Variants in ZC3H12B observed in about 807,000 individuals in gnomAD.
ZC3H12B encodes the protein probable ribonuclease ZC3H12B.
Under a neutral mutation model 43.9 loss-of-function variants are expected in ZC3H12B, and 7 were observed. The observed-to-expected ratio is 0.16, with a 90% CI of 0.09 to 0.30. The LOEUF (loss-of-function observed/expected upper bound fraction) is 0.30. Ranked by LOEUF, ZC3H12B falls within the 10% of genes least tolerant of loss-of-function variation. The probability of loss-of-function intolerance (pLI) is 1.00; values close to 1 mark genes in which losing one functional copy is unlikely to be tolerated. For synonymous variants in ZC3H12B, 222 were observed against 241.7 expected (o/e 0.92, Z 0.76); for missense variants, 475 against 670.2 (o/e 0.71, Z 3.22).
At chrX:65,118,391 G>A in the ZC3H12B span, among the ~76,000 whole-genome samples, 1 of 111,662 alleles carries the variant, frequency 9.0e-6, no homozygotes, top group Non-Finnish European at 1.9e-5. Flanking sequence ...AGGAATGCTT[G>A]TGATTTTTGC....
chrX:65,276,901 G>A, the ZC3H12B span, among the ~76,000 whole-genome samples: 1 of 111,581 alleles, frequency 9.0e-6, no homozygotes, highest in Non-Finnish European at 1.9e-5. Context: ...AACCTTGAAT[G>A]TACATTTCTC....
the ZC3H12B span, among the ~76,000 whole-genome samples, chrX:65,343,970 A>G: frequency 8.9e-6 from 1 of 112,468 alleles, no homozygotes; most frequent in African/African-American, 3.2e-5. Flanking sequence ...GCTGATGAAC[A>G]AATTCAGTGA....
chrX:65,126,498 T>A, the ZC3H12B span, among the ~76,000 whole-genome samples: 13 of 111,219 alleles, frequency 1.2e-4, no homozygotes, highest in African/African-American at 4.2e-4. Context: ...ATTTCCCAGG[T>A]GTTCTTTGAG....
At chrX:65,052,506 C>T in the ZC3H12B span, among the ~76,000 whole-genome samples, 1 of 110,767 alleles carries the variant, frequency 9.0e-6, no homozygotes, top group African/African-American at 3.3e-5. Context: ...TTATCAGATC[C>T]CACAAATAAG....
the ZC3H12B span, among the ~76,000 whole-genome samples, chrX:65,225,125 C>A: frequency 3.6e-5 from 4 of 111,764 alleles, no homozygotes; most frequent in South Asian, 1.5e-3. Context: ...GAGGCACCCC[C>A]CAGTAGGGGC....
At chrX:65,378,980 G>A (rs2066392398) in intron 2 of ZC3H12B, among the ~76,000 whole-genome samples, 2 of 112,299 alleles carry the variant, frequency 1.8e-5, no homozygotes, top group Admixed American at 9.4e-5. Flanking sequence ...CTCATTGATT[G>A]CTAGCACAGC....
the ZC3H12B span, among the ~76,000 whole-genome samples, chrX:65,158,712 T>A: frequency 9.0e-6 from 1 of 111,608 alleles, no homozygotes; most frequent in Non-Finnish European, 1.9e-5. Flanking sequence ...TTTTCTCCCA[T>A]TTTATGCATT....
chrX:65,469,008 G>A (rs1353592668), intron 3 of ZC3H12B: 1 of 110,449 alleles, frequency 9.1e-6, no homozygotes, highest in Non-Finnish European at 1.9e-5. Flanking sequence ...CTCACGAGGG[G>A]GATATCAAGC....
At chrX:65,119,820 T>G in the ZC3H12B span, among the ~76,000 whole-genome samples, 1 of 112,154 alleles carries the variant, frequency 8.9e-6, no homozygotes, top group African/African-American at 3.2e-5. Context: ...AATTAATTTT[T>G]GTATAAGGTG....
At chrX:65,053,170 C>G in the ZC3H12B span, among the ~76,000 whole-genome samples, 1 of 109,995 alleles carries the variant, frequency 9.1e-6, no homozygotes, top group East Asian at 2.9e-4. Context: ...AGGTTTGTTA[C>G]GTATGTATAC....
the ZC3H12B span, among the ~76,000 whole-genome samples, chrX:65,095,824 C>A: frequency 9.0e-6 from 1 of 110,847 alleles, no homozygotes; most frequent in Non-Finnish European, 1.9e-5. Context: ...GCAGCATTTG[C>A]AAAGTTCACA....
At chrX:65,301,520 CAA>C in the ZC3H12B span, among the ~76,000 whole-genome samples, 1 of 97,447 alleles carries the variant, frequency 1.0e-5, no homozygotes, top group Non-Finnish European at 2.1e-5. Context: ...ACTATTCAGC[CAA>C]AAAAAAAAAG....
the ZC3H12B span, among the ~76,000 whole-genome samples, chrX:65,148,504 G>A: frequency 9.0e-5 from 10 of 111,189 alleles, no homozygotes; most frequent in African/African-American, 3.3e-4. Flanking sequence ...CTGGAGACCA[G>A]GTTGGGCTTG....
the ZC3H12B span, among the ~76,000 whole-genome samples, chrX:65,165,637 A>G: frequency 4.4e-5 from 5 of 112,568 alleles, no homozygotes; most frequent in African/African-American, 1.6e-4. Flanking sequence ...ATTCATTTTC[A>G]TGGCTGCATA....
chrX:65,086,477 A>G, the ZC3H12B span, among the ~76,000 whole-genome samples: 1 of 110,977 alleles, frequency 9.0e-6, no homozygotes, highest in African/African-American at 3.3e-5. Context: ...TGTGGTCTGA[A>G]TGTTTGTGCC....
At chrX:65,472,392 T>C (rs1168129556) in intron 3 of ZC3H12B, among the ~76,000 whole-genome samples, 1 of 87,098 alleles carries the variant, frequency 1.1e-5, no homozygotes, top group East Asian at 2.9e-4. Flanking sequence ...GTTTTTTTTG[T>C]TTTTTTTGTT....
the ZC3H12B span, among the ~76,000 whole-genome samples, chrX:65,275,338 A>G: frequency 8.9e-6 from 1 of 112,876 alleles, no homozygotes; most frequent in African/African-American, 3.2e-5. Flanking sequence ...GCCAGAACTG[A>G]GAAACAGCCC....
At chrX:65,080,455 G>A in the ZC3H12B span, among the ~76,000 whole-genome samples, 3 of 110,746 alleles carry the variant, frequency 2.7e-5, no homozygotes, top group African/African-American at 9.8e-5. Context: ...GAAGGTCAAG[G>A]ATAAAGAAAA....
the ZC3H12B span, among the ~76,000 whole-genome samples, chrX:65,249,120 T>C: frequency 2.2e-4 from 25 of 111,892 alleles, no homozygotes; most frequent in Non-Finnish European, 4.3e-4. Flanking sequence ...GTTTATTGCA[T>C]TTGCTTTTGG....
Sources: allele counts gnomAD v4.1 joint callset (sites outside exome capture counted in the v4.1 genomes callset), GRCh38; gene constraint gnomAD v4.1.1; transcripts MANE v1.5; gene names NCBI Gene and HGNC (gene_info 2026-07-23, HGNC 2026-07-21).